SMYD3: variants seen among roughly 807,000 people sequenced by gnomAD.
SMYD3 encodes the protein histone-lysine N-methyltransferase SMYD3.
Under a neutral mutation model 57.7 loss-of-function variants are expected in SMYD3, and 36 were observed. The ratio of observed to expected loss-of-function variants is 0.62; its 90% CI spans 0.48 to 0.82. The LOEUF (loss-of-function observed/expected upper bound fraction) is 0.82, where lower values mean the gene tolerates loss of function less well. Among genes scored for constraint, SMYD3 ranks in the 40% least tolerant of loss-of-function variants. The probability of loss-of-function intolerance (pLI) is 0.00; values close to 1 mark genes in which losing one functional copy is unlikely to be tolerated. For synonymous variants in SMYD3, 211 were observed against 195.0 expected, an observed-to-expected ratio of 1.08 and a Z score of -0.68; for missense variants, 515 against 538.8, an observed-to-expected ratio of 0.96 and a Z score of 0.44.
chr1:246,182,167 A>AAG (rs916144992), intron 5 of SMYD3, among the ~76,000 whole-genome samples: 1 of 152,102 alleles, frequency 6.6e-6, no homozygotes, highest in Non-Finnish European at 1.5e-5. Flanking sequence ...CAGCACATTA[A>AAG]AGAGAGAGAG....
intron 5 of SMYD3, among the ~76,000 whole-genome samples, chr1:246,234,160 G>A (rs199978762): frequency 4.2e-5 from 5 of 119,788 alleles, no homozygotes; most frequent in East Asian, 4.8e-4. Flanking sequence ...ACCACACAGA[G>A]GAGAAGCACT....
intron 1 of SMYD3, among the ~76,000 whole-genome samples, chr1:246,412,704 A>G (rs2066996288): frequency 6.6e-6 from 1 of 152,040 alleles, no homozygotes; most frequent in African/African-American, 2.4e-5. Flanking sequence ...TAAAAGTACA[A>G]AAAATTAGCT....
At chr1:246,261,047 TG>T (rs879679707) in intron 5 of SMYD3, among the ~76,000 whole-genome samples, 7,251 of 118,666 alleles carry the variant, frequency 0.061, 256 homozygotes, top group African/African-American at 0.1. Flanking sequence ...TGGGTTTTGT[TG>T]TTGTTGTTGT....
At chr1:246,156,638 C>T (rs2062026860) in intron 5 of SMYD3, among the ~76,000 whole-genome samples, 1 of 152,166 alleles carries the variant, frequency 6.6e-6, no homozygotes, top group Non-Finnish European at 1.5e-5. Context: ...CCCACAGGAG[C>T]TTAAGAGTCT....
intron 5 of SMYD3, among the ~76,000 whole-genome samples, chr1:245,964,243 T>C (rs890379916): frequency 6.6e-6 from 1 of 152,134 alleles, no homozygotes; most frequent in Non-Finnish European, 1.5e-5. Flanking sequence ...CACCACGCCA[T>C]GCATGAGGGG....
chr1:246,210,228 G>A (rs1358827300), intron 5 of SMYD3, among the ~76,000 whole-genome samples: 2 of 152,134 alleles, frequency 1.3e-5, no homozygotes, highest in South Asian at 2.1e-4. Flanking sequence ...ACAGTCCTAA[G>A]AGGATGCTCT....
intron 2 of SMYD3, among the ~76,000 whole-genome samples, chr1:246,341,848 CATT>C (rs1290639460): frequency 6.6e-6 from 1 of 152,084 alleles, no homozygotes; most frequent in African/African-American, 2.4e-5. Context: ...TAGGGTAGCT[CATT>C]ATTGTTTGGG....
At chr1:245,931,064 G>A (rs1034459050) in intron 5 of SMYD3, among the ~76,000 whole-genome samples, 4 of 152,254 alleles carry the variant, frequency 2.6e-5, no homozygotes, top group East Asian at 1.9e-4. Flanking sequence ...GAAAGTAGGG[G>A]GCAAAACACG....
chr1:246,330,559 C>G (rs1247617333), intron 3 of SMYD3, 22 bp from the exon 4 acceptor site: 2 of 1,571,888 alleles, frequency 1.3e-6, no homozygotes. Context: ...AAGGGGAAAA[C>G]GCCAATAACA....
intron 1 of SMYD3, among the ~76,000 whole-genome samples, chr1:246,416,405 C>A (rs1224627295): frequency 2.0e-5 from 3 of 152,086 alleles, no homozygotes; most frequent in East Asian, 3.9e-4. Flanking sequence ...TTCAAATCTG[C>A]ATTCTTACTT....
intron 5 of SMYD3, among the ~76,000 whole-genome samples, chr1:246,072,030 G>A (rs80269293): frequency 1.1e-3 from 40 of 37,714 alleles, no homozygotes; most frequent in Non-Finnish European, 1.4e-3. Flanking sequence ...GGAGGGATTC[G>A]TGTGCTTTCC....
chr1:245,998,319 C>T (rs776853455), intron 5 of SMYD3, among the ~76,000 whole-genome samples: 4 of 152,150 alleles, frequency 2.6e-5, no homozygotes, highest in South Asian at 2.1e-4. Flanking sequence ...GGTTTTGGAA[C>T]GTGATAGCTC....
intron 8 of SMYD3, among the ~76,000 whole-genome samples, chr1:245,897,665 C>T (rs111733444): frequency 0.017 from 2,654 of 152,152 alleles, 68 homozygotes; most frequent in African/African-American, 0.06. Context: ...GAGGCCAGGG[C>T]GGGTGGATCA....
intron 5 of SMYD3, among the ~76,000 whole-genome samples, chr1:246,064,765 C>T (rs887920848): frequency 1.3e-5 from 2 of 152,244 alleles, no homozygotes; most frequent in East Asian, 1.9e-4. Context: ...CTCCATCCCC[C>T]GGCCTTCTAG....
chr1:246,332,304 C>T (rs1448013092), intron 3 of SMYD3, among the ~76,000 whole-genome samples: 1 of 152,192 alleles, frequency 6.6e-6, no homozygotes, highest in Non-Finnish European at 1.5e-5. Flanking sequence ...AGTCTTATTG[C>T]TAATCTAGAG....
At chr1:246,458,468 A>T in intron 1 of SMYD3, among the ~76,000 whole-genome samples, 2 of 117,404 alleles carry the variant, frequency 1.7e-5, no homozygotes, top group Admixed American at 1.1e-4. Context: ...TTTTTTTGAG[A>T]CAGAGTCTCG....
At chr1:245,797,976 T>G (rs1366433828) in intron 10 of SMYD3, among the ~76,000 whole-genome samples, 1 of 152,136 alleles carries the variant, frequency 6.6e-6, no homozygotes, top group Non-Finnish European at 1.5e-5. Context: ...ACGTGAGAAT[T>G]TTGGGTTGAG....
At chr1:246,427,153 A>T (rs2067230775) in intron 1 of SMYD3, among the ~76,000 whole-genome samples, 2 of 152,218 alleles carry the variant, frequency 1.3e-5, no homozygotes, top group Non-Finnish European at 2.9e-5. Flanking sequence ...ATATTGGAAC[A>T]CACTGAGTTT....
At chr1:245,942,503 A>G (rs548540424) in intron 5 of SMYD3, among the ~76,000 whole-genome samples, 1 of 152,348 alleles carries the variant, frequency 6.6e-6, no homozygotes, top group South Asian at 2.1e-4. Flanking sequence ...ACCTACAAAG[A>G]GACTTAGACT....
Sources: allele counts gnomAD v4.1 joint callset (sites outside exome capture counted in the v4.1 genomes callset), GRCh38; gene constraint gnomAD v4.1.1; transcripts MANE v1.5; gene names NCBI Gene and HGNC (gene_info 2026-07-23, HGNC 2026-07-21).